TRPM3: variants seen among roughly 807,000 people sequenced by gnomAD.
TRPM3 encodes long transient receptor potential channel 3.
In TRPM3, 77 loss-of-function variants were observed where a neutral mutation model predicts 181.2. That is an observed-to-expected ratio of 0.42 (90% CI 0.35 to 0.51). The LOEUF (loss-of-function observed/expected upper bound fraction) is 0.51. Ranked by LOEUF, TRPM3 falls within the 20% of genes least tolerant of loss-of-function variation. The probability of loss-of-function intolerance (pLI) is 0.01; values close to 1 mark genes in which losing one functional copy is unlikely to be tolerated. For missense variants in TRPM3, 1,759 were observed against 2,196.7 expected, an observed-to-expected ratio of 0.80 and a Z score of 3.98; for synonymous variants, 745 against 796.4, an observed-to-expected ratio of 0.94 and a Z score of 1.09.
At chr9:70,547,976 TCTA>T (rs1365528489) in intron 25 of TRPM3, among the ~76,000 whole-genome samples, 1 of 152,218 alleles carries the variant, frequency 6.6e-6, no homozygotes, top group Non-Finnish European at 1.5e-5. Flanking sequence ...ACCTCTTCGT[TCTA>T]GTTCCTCAGG....
At chr9:71,329,257 T>A (rs1306777128) in intron 1 of TRPM3, among the ~76,000 whole-genome samples, 1 of 152,226 alleles carries the variant, frequency 6.6e-6, no homozygotes, top group Non-Finnish European at 1.5e-5. Flanking sequence ...TGTGTGTTTA[T>A]TTTGTCTCTC....
rs541292323 is a variant in TRPM3 at position 71,413,037 on chromosome 9, G to GTTC, written c.183+33615_183+33616insGAA. ...ACCGCATGTTCTCACTCATAGGTGG[G>GTTC]AATTGAACAATGAGAACACTTGGAC... On this transcript the variant is annotated intron_variant, in intron 1 of 24. Coordinates refer to the TRPM3 transcript ENST00000357533. Among the ~76,000 whole-genome samples, 1,159 of 152,234 alleles carry GTTC rather than the reference G, an allele frequency of 7.6e-3. 8 individuals carry two copies. The highest frequency in any genetic ancestry group is 0.01 in the Non-Finnish European group (690 of 68,032).
intron 1 of TRPM3, among the ~76,000 whole-genome samples, chr9:71,097,467 C>A (rs149480151): frequency 6.6e-6 from 1 of 151,902 alleles, no homozygotes; most frequent in Non-Finnish European, 1.5e-5. Flanking sequence ...TGAAAATATA[C>A]GTACATTTTT....
intron 1 of TRPM3, among the ~76,000 whole-genome samples, chr9:71,246,400 A>G (rs2082035607): frequency 6.6e-6 from 1 of 152,230 alleles, no homozygotes; most frequent in Admixed American, 6.5e-5. Context: ...CAGTCAACAG[A>G]CCATTTTACA....
At chr9:71,346,800 G>A (rs927076936) in intron 1 of TRPM3, among the ~76,000 whole-genome samples, 8 of 152,218 alleles carry the variant, frequency 5.3e-5, no homozygotes, top group African/African-American at 1.4e-4. Context: ...GGGGTGGGAG[G>A]TAGAAGTACT....
At chr9:70,687,383 G>C (rs534314680) in intron 8 of TRPM3, among the ~76,000 whole-genome samples, 2 of 152,078 alleles carry the variant, frequency 1.3e-5, no homozygotes, top group Non-Finnish European at 1.5e-5. Flanking sequence ...CATTTTGTAG[G>C]TGATTTAGTA....
chr9:70,909,529 C>G (rs1182401653), intron 1 of TRPM3, among the ~76,000 whole-genome samples: 1 of 151,852 alleles, frequency 6.6e-6, no homozygotes, highest in Non-Finnish European at 1.5e-5. Context: ...GGGAAAGAGG[C>G]AACAGCATTG....
chr9:70,844,816 T>C (rs1308217734), intron 4 of TRPM3, among the ~76,000 whole-genome samples: 1 of 152,200 alleles, frequency 6.6e-6, no homozygotes, highest in Non-Finnish European at 1.5e-5. Flanking sequence ...TTCTTAGAAA[T>C]AGAGTATTGG....
Position 70,808,811 on chromosome 9 carries a change from C to T in TRPM3, c.973+19036G>A, listed in dbSNP as rs77392367. On this transcript the variant is annotated intron_variant, in intron 6 of 25. Coordinates refer to ENST00000677713, the MANE Select transcript of TRPM3 (RefSeq NM_001366145.2). ...GTATTTGTGTTTTGGAAGGCCTTTC[C>T]CTTGACTGTTTGAGGCAGTAGAAAG... Among the ~76,000 whole-genome samples, 1,487 of 152,232 alleles carry T rather than the reference C, an allele frequency of 9.8e-3. 32 individuals carry two copies. Among genetic ancestry groups the T allele is most frequent in the African/African-American group, 0.034 (1,419 of 41,538 alleles).
At chr9:70,686,740 TC>T (rs869152414) in intron 8 of TRPM3, among the ~76,000 whole-genome samples, 10 of 124,650 alleles carry the variant, frequency 8.0e-5, no homozygotes, top group East Asian at 4.7e-4. Context: ...CTTCCTTCCT[TC>T]CCTTCCTCCT....
chr9:70,964,257 T>G (rs550241196), intron 1 of TRPM3, among the ~76,000 whole-genome samples: 1 of 152,270 alleles, frequency 6.6e-6, no homozygotes, highest in East Asian at 1.9e-4. Context: ...CAAGCTTTTT[T>G]ATTTTACAGT....
intron 1 of TRPM3, among the ~76,000 whole-genome samples, chr9:71,320,011 A>T (rs1394934376): frequency 6.6e-6 from 1 of 152,180 alleles, no homozygotes; most frequent in Non-Finnish European, 1.5e-5. Flanking sequence ...AGTTAAAAAT[A>T]CCACTTCCAA....
intron 1 of TRPM3, among the ~76,000 whole-genome samples, chr9:71,009,436 A>G (rs2097713425): frequency 6.6e-6 from 1 of 152,190 alleles, no homozygotes; most frequent in East Asian, 1.9e-4. Flanking sequence ...TAAAATTTCT[A>G]TACACCAGTA....
intron 1 of TRPM3, among the ~76,000 whole-genome samples, chr9:71,001,194 G>A (rs1211178423): frequency 3.3e-5 from 5 of 152,204 alleles, no homozygotes; most frequent in African/African-American, 1.2e-4. Flanking sequence ...GAGGACCAGA[G>A]TCTAGGCTGG....
At position 71,243,635 on chromosome 9, in the gene TRPM3, T is replaced by C. The variant is rs138678246; in HGVS notation, c.183+203018A>G. On this transcript the variant is annotated intron_variant, in intron 1 of 24. Coordinates refer to the TRPM3 transcript ENST00000357533. Reference sequence around the variant, plus strand: ...ACTCAATAAATATATTTTAAACAAATGAATAGAAGAATAAATTATTATTAT... The same window carrying C: ...ACTCAATAAATATATTTTAAACAAACGAATAGAAGAATAAATTATTATTAT... Among the ~76,000 whole-genome samples, 22 of 152,310 alleles carry C rather than the reference T, an allele frequency of 1.4e-4. No homozygotes were observed. In the East Asian group the frequency reaches 3.7e-3, roughly 25 times the overall value.
chr9:71,141,164 T>G (rs899028411), intron 1 of TRPM3, among the ~76,000 whole-genome samples: 2 of 152,190 alleles, frequency 1.3e-5, no homozygotes, highest in Non-Finnish European at 2.9e-5. Flanking sequence ...AGCTTGACTC[T>G]TCACATGTTT....
chr9:70,760,711 G>A (rs942595471), intron 8 of TRPM3: 9 of 148,344 alleles, frequency 6.1e-5, no homozygotes, highest in Non-Finnish European at 1.3e-4. Context: ...CTCAGCAGTT[G>A]GGTTTAACTG....
chr9:71,010,475 C>A (rs972787961), intron 1 of TRPM3, among the ~76,000 whole-genome samples: 8 of 152,068 alleles, frequency 5.3e-5, no homozygotes, highest in Non-Finnish European at 1.0e-4. Context: ...CTAGACATAT[C>A]TGAAAAGACG....
chr9:70,899,500 G>C (rs1048745254), intron 1 of TRPM3, among the ~76,000 whole-genome samples: 1 of 152,116 alleles, frequency 6.6e-6, no homozygotes, highest in Admixed American at 6.5e-5. Context: ...GTCTCCAAAC[G>C]TTGTGTCATA....
Sources: allele counts gnomAD v4.1 joint callset (sites outside exome capture counted in the v4.1 genomes callset), GRCh38; gene constraint gnomAD v4.1.1; transcripts MANE v1.5; gene names NCBI Gene and HGNC (gene_info 2026-07-23, HGNC 2026-07-21).